The following ROBO1 variants were observed in gnomAD, a reference collection of about 807,000 sequenced individuals.
The protein encoded by ROBO1 is roundabout guidance receptor 1, also known as roundabout homolog 1.
ROBO1 carries 149 observed loss-of-function variants against 195.9 expected under a neutral mutation model. The ratio of observed to expected loss-of-function variants is 0.76; its 90% CI spans 0.67 to 0.87. The LOEUF (loss-of-function observed/expected upper bound fraction) is 0.87, where lower values mean the gene tolerates loss of function less well. ROBO1 is among the 40% of genes least tolerant of loss of function. ROBO1 has a pLI of 0.00. For missense variants in ROBO1, 1,933 were observed against 2,068.3 expected (o/e 0.93, Z 1.27); for synonymous variants, 816 against 733.2 (o/e 1.11, Z -1.82).
intron 2 of ROBO1, among the ~76,000 whole-genome samples, chr3:79,200,604 G>T (rs900984844): frequency 1.3e-5 from 2 of 151,700 alleles, no homozygotes; most frequent in Admixed American, 1.3e-4. Context: ...TAGAAACTTT[G>T]AGAGTGAGTA....
chr3:79,359,098 AGTTAAT>A (rs1266149504), intron 2 of ROBO1, among the ~76,000 whole-genome samples: 1 of 152,032 alleles, frequency 6.6e-6, no homozygotes, highest in African/African-American at 2.4e-5. Context: ...TATGTGGGTA[AGTTAAT>A]TATAAAAATG....
At chr3:79,048,142 G>A (rs2078628800) in intron 3 of ROBO1, among the ~76,000 whole-genome samples, 1 of 152,030 alleles carries the variant, frequency 6.6e-6, no homozygotes, top group Non-Finnish European at 1.5e-5. Flanking sequence ...CACACTTTCA[G>A]TATTGTTTAG....
intron 2 of ROBO1, among the ~76,000 whole-genome samples, chr3:79,170,552 C>G (rs895007294): frequency 1.3e-5 from 2 of 152,048 alleles, no homozygotes; most frequent in African/African-American, 4.8e-5. Context: ...AAATTATTAT[C>G]TTCTTTGTAC....
At chr3:79,759,332 A>G (rs1465541937) in intron 1 of ROBO1, among the ~76,000 whole-genome samples, 1 of 152,176 alleles carries the variant, frequency 6.6e-6, no homozygotes, top group Non-Finnish European at 1.5e-5. Flanking sequence ...TTCAAGGGTT[A>G]CACATTGATC....
intron 2 of ROBO1, among the ~76,000 whole-genome samples, chr3:79,306,669 T>A (rs2109078768): frequency 6.6e-6 from 1 of 152,344 alleles, no homozygotes; most frequent in African/African-American, 2.4e-5. Flanking sequence ...ATAACAGCAT[T>A]CAACAACATA....
At chr3:78,623,692 T>C (rs574006941) in intron 26 of ROBO1, among the ~76,000 whole-genome samples, 1 of 152,262 alleles carries the variant, frequency 6.6e-6, no homozygotes, top group South Asian at 2.1e-4. Flanking sequence ...TAGCAGAACA[T>C]TACTGTAATG....
At chr3:79,166,629 A>G (rs2081071376) in intron 2 of ROBO1, among the ~76,000 whole-genome samples, 1 of 149,222 alleles carries the variant, frequency 6.7e-6, no homozygotes, top group South Asian at 2.1e-4. Flanking sequence ...GCAGTGGTGC[A>G]ATCTCGGCTC....
At chr3:79,582,214 T>C (rs1226761029) in intron 2 of ROBO1, among the ~76,000 whole-genome samples, 1 of 151,780 alleles carries the variant, frequency 6.6e-6, no homozygotes, top group Non-Finnish European at 1.5e-5. Flanking sequence ...ATGATATTTA[T>C]ATTCTGTTAT....
chr3:79,299,861 T>A (rs984370568), intron 2 of ROBO1, among the ~76,000 whole-genome samples: 17 of 149,706 alleles, frequency 1.1e-4, no homozygotes, highest in Non-Finnish European at 2.4e-4. Context: ...AAAAAAAAAA[T>A]TGGCTCCAGA....
chr3:79,671,450 A>G (rs1946629599), intron 1 of ROBO1, among the ~76,000 whole-genome samples: 2 of 151,862 alleles, frequency 1.3e-5, no homozygotes, highest in South Asian at 2.1e-4. Context: ...AAATAGGATG[A>G]TTTTATAAAA....
At chr3:79,303,119 GACTA>G (rs1319650343) in intron 2 of ROBO1, among the ~76,000 whole-genome samples, 1 of 149,202 alleles carries the variant, frequency 6.7e-6, no homozygotes, top group African/African-American at 2.5e-5. Flanking sequence ...ATTGCGGACT[GACTA>G]ACTCTAGCTA....
intron 2 of ROBO1, among the ~76,000 whole-genome samples, chr3:79,473,083 T>C (rs1938369599): frequency 6.6e-6 from 1 of 152,156 alleles, no homozygotes; most frequent in Admixed American, 6.6e-5. Context: ...CTCTAGTACC[T>C]GTGAATGAAA....
At chr3:79,096,982 A>G (rs1227885784) in intron 3 of ROBO1, among the ~76,000 whole-genome samples, 6 of 151,730 alleles carry the variant, frequency 4.0e-5, no homozygotes, top group East Asian at 1.9e-4. Context: ...TCAAAATACA[A>G]TGGTTAGATA....
intron 3 of ROBO1, among the ~76,000 whole-genome samples, chr3:79,051,510 C>T (rs939259167): frequency 1.3e-5 from 2 of 152,130 alleles, no homozygotes; most frequent in Non-Finnish European, 2.9e-5. Context: ...CCTTCTGAAA[C>T]TATTCCAATC....
intron 1 of ROBO1, among the ~76,000 whole-genome samples, chr3:79,593,983 A>G (rs1944085776): frequency 6.6e-6 from 1 of 151,956 alleles, no homozygotes; most frequent in African/African-American, 2.4e-5. Flanking sequence ...TCTTTCACAA[A>G]TATTTTCTTC....
At chr3:79,389,653 A>G (rs1363643526) in intron 2 of ROBO1, among the ~76,000 whole-genome samples, 1 of 152,186 alleles carries the variant, frequency 6.6e-6, no homozygotes, top group African/African-American at 2.4e-5. Context: ...TGAGCTCTGA[A>G]TATCTAAGTG....
intron 2 of ROBO1, among the ~76,000 whole-genome samples, chr3:79,232,355 A>C (rs967474902): frequency 1.3e-5 from 2 of 151,166 alleles, no homozygotes; most frequent in Non-Finnish European, 3.0e-5. Context: ...AAAAAAATAA[A>C]GTGGAAATAT....
At chr3:78,724,907 C>G (rs2082127444) in intron 5 of ROBO1, among the ~76,000 whole-genome samples, 1 of 152,116 alleles carries the variant, frequency 6.6e-6, no homozygotes, top group African/African-American at 2.4e-5. Context: ...TATTTCTTGG[C>G]AGGTCTCTTC....
intron 2 of ROBO1, among the ~76,000 whole-genome samples, chr3:79,334,229 T>C (rs945334932): frequency 1.3e-5 from 2 of 150,186 alleles, no homozygotes; most frequent in African/African-American, 2.4e-5. Flanking sequence ...GTTGAACCTA[T>C]GAGGCAGAGG....
Sources: gnomAD v4.1 joint callset for allele counts (sites outside exome capture counted in the v4.1 genomes callset) on GRCh38, gnomAD v4.1.1 for gene constraint, MANE v1.5 for transcripts, NCBI Gene and HGNC (gene_info 2026-07-23, HGNC 2026-07-21) for gene names.